COL5A3: variants seen among roughly 807,000 people sequenced by gnomAD.
The protein encoded by COL5A3 is collagen alpha-3(V) chain.
Under a neutral mutation model 250.0 loss-of-function variants are expected in COL5A3, and 172 were observed. The ratio of observed to expected loss-of-function variants is 0.69; its 90% confidence interval spans 0.61 to 0.78. The LOEUF (loss-of-function observed/expected upper bound fraction) is 0.78. COL5A3 is among the 30% of genes least tolerant of loss of function. COL5A3 has a pLI of 0.00. For missense variants in COL5A3, 2,340 were observed against 2,334.4 expected (o/e 1.00, Z -0.05); for synonymous variants, 937 against 900.4 (o/e 1.04, Z -0.73).
intron 65 of COL5A3, 103 bp from the exon 66 acceptor site, chr19:9,960,993 C>G (rs2277968): frequency 0.017 from 24,305 of 1,420,026 alleles, 284 homozygotes; most frequent in Non-Finnish European, 0.021. Flanking sequence ...AGCCACCCCC[C>G]CCATGTCACC....
In COL5A3 at chr19:9,986,770, A is replaced by T; in HGVS notation, c.2146-12T>A. On this transcript the variant is annotated splice_polypyrimidine_tract_variant and intron_variant, in intron 27 of 66. Transcript: ENST00000264828. ...TTGCCTGAAGTGCCCTGGAAAATAA[A>T]AAAAAAAAGCTCTCAAGCCTCTTCC... is the stretch of plus-strand genomic sequence containing the variant. 1.2e-6 allele frequency: 2 copies of T among 1,611,724 alleles called. No individual in the cohort carries two copies. Among genetic ancestry groups the T allele is most frequent in the Non-Finnish European group, 1.7e-6 (2 of 1,178,768 alleles).
At chr19:9,975,061 CTTTTTT>C (rs5827078) in intron 45 of COL5A3, among the ~76,000 whole-genome samples, 2 of 126,856 alleles carry the variant, frequency 1.6e-5, no homozygotes, top group African/African-American at 5.9e-5. Context: ...CTGTGCCTGG[CTTTTTT>C]TTTTTTTTTT....
chr19:9,963,439 G>A (rs1046600904), intron 64 of COL5A3, among the ~76,000 whole-genome samples: 1 of 151,474 alleles, frequency 6.6e-6, no homozygotes, highest in Non-Finnish European at 1.5e-5. Flanking sequence ...ACAGGGTCTT[G>A]GAGTGCAGTG....
intron 16 of COL5A3, among the ~76,000 whole-genome samples, chr19:9,994,715 C>T (rs142066062): frequency 1.1e-3 from 170 of 150,256 alleles, no homozygotes; most frequent in Non-Finnish European, 2.1e-3. Flanking sequence ...CTGGATGGTA[C>T]AACCTACCAA....
intron 4 of COL5A3, among the ~76,000 whole-genome samples, chr19:10,004,687 G>C (rs147092722): frequency 6.6e-6 from 1 of 152,178 alleles, no homozygotes; most frequent in Non-Finnish European, 1.5e-5. Context: ...GCTGGTACTG[G>C]GGATAAGGAG....
intron 51 of COL5A3, among the ~76,000 whole-genome samples, chr19:9,972,186 T>C (rs1268208071): frequency 6.6e-6 from 1 of 152,254 alleles, no homozygotes; most frequent in Admixed American, 6.5e-5. Flanking sequence ...CATTCATCCA[T>C]TCATTCACTC....
At position 9,986,304 on chromosome 19, in the gene COL5A3, G is replaced by C. The variant is rs760556711; in HGVS notation, c.2352+11C>G. Reference sequence around the variant, plus strand: ...TGACTGTGGGAGGCTAGAGGGTGGAGAGTCATTTACCTTCTCCCCAGCTGA... The same window carrying C: ...TGACTGTGGGAGGCTAGAGGGTGGACAGTCATTTACCTTCTCCCCAGCTGA... On this transcript the variant is annotated intron_variant, in intron 30 of 66. Coordinates refer to ENST00000264828, the MANE Select transcript of COL5A3 (RefSeq NM_015719.4). 2.4e-5 allele frequency: 36 copies of C among 1,511,604 alleles called. No homozygotes were observed. The highest frequency in any genetic ancestry group is 3.0e-5 in the Non-Finnish European group (34 of 1,126,410). 93.6% of individuals were successfully genotyped at this position (1,511,604 alleles called of 1,614,324 possible).
rs2087393694 is a variant in COL5A3, at chr19:10,003,570, T to C, written c.844A>G (p.Asn282Asp). 1.2e-6 allele frequency: 2 copies of C among 1,614,036 alleles called. No homozygotes were observed. Among genetic ancestry groups the C allele is most frequent in the African/African-American group, 1.3e-5 (1 of 74,920 alleles). ...TSSPPPDSAE[N>D]QTSTDIPKTE... ...AGAGGTCTCAGGGCCCTTACCTGGT[T>C]CTCTGCGGAGTCAGGAGGTGGACTT... The change falls in exon 6 of 67, where the codon AAC becomes GAC. Residue 282 changes from asparagine (N) to aspartate (D), a missense_variant. Asn to Asp is a conservative substitution (Grantham distance 23). Around this residue, in one of 3 missense-constraint regions of COL5A3, gnomAD observed 1,152 missense variants for 1,146.3 expected, o/e 1.00. Coordinates refer to ENST00000264828, the MANE Select transcript of COL5A3 (RefSeq NM_015719.4).
At position 9,979,901 on chromosome 19, in the gene COL5A3, T is replaced by C. The variant is rs895088726; in HGVS notation, c.2659-9A>G. The C allele has an allele frequency of 1.9e-6, 3 of 1,570,838 alleles. No homozygotes were observed. The highest frequency in any genetic ancestry group is 1.7e-6 in the Non-Finnish European group (2 of 1,165,686). On this transcript the variant is annotated splice_polypyrimidine_tract_variant and intron_variant, in intron 36 of 66. Transcript: ENST00000264828. Reference sequence around the variant, plus strand: ...TCTTTACCTTGGTGACCCTGGGGGATGAGGTGGGAAAAAGTTGGGGCACAG... The same window carrying C: ...TCTTTACCTTGGTGACCCTGGGGGACGAGGTGGGAAAAAGTTGGGGCACAG...
Position 9,960,239 on chromosome 19 carries a change from C to G in COL5A3, c.*172G>C. 1.2e-6 allele frequency: 1 copy of G among 809,066 alleles called. No individual in the cohort carries two copies. The highest frequency in any genetic ancestry group is 2.8e-5 in the Admixed American group (1 of 36,172). The allele number at this position is 809,066 out of a possible 1,614,324, so 50.1% of individuals were successfully genotyped here. On this transcript the variant is annotated 3_prime_UTR_variant, in exon 67 of 67. Transcript: ENST00000264828. ...AGGCTGGACCCTTGGGCCAGGGAAC[C>G]CCAGCCCCCAGCACCCTGGAAAGGA... is the stretch of plus-strand genomic sequence containing the variant.
At chr19:9,970,537 T>G (rs1599534224) in intron 54 of COL5A3, 85 bp downstream of exon 54, 20 of 805,852 alleles carry the variant, frequency 2.5e-5, no homozygotes, top group African/African-American at 1.2e-4. Context: ...GTGGGGTGAG[T>G]TGAGGGCTGT....
At chr19:9,982,187 T>A in intron 31 of COL5A3, 69 bp from the exon 32 acceptor site, 2 of 1,067,590 alleles carry the variant, frequency 1.9e-6, no homozygotes, top group Non-Finnish European at 2.7e-6. Flanking sequence ...TGGCCCCTCA[T>A]ACCATCCTTT....
intron 19 of COL5A3, 28 bp from the exon 20 acceptor site, chr19:9,993,095 C>T (rs780374735): frequency 1.2e-6 from 2 of 1,612,670 alleles, no homozygotes; most frequent in Non-Finnish European, 1.7e-6. Flanking sequence ...TACTTGGGAA[C>T]AGGAAGGTAC....
rs926097835 is a variant in COL5A3, at chr19:9,977,130, A to T, written c.3288+99T>A. The stretch of plus-strand genomic sequence containing the variant: ...GGTACCCGAGAAGGCAGAAAACTCC[A>T]TGGCCTCTCCTACCCCATGGAGAAT... On this transcript the variant is annotated intron_variant, in intron 44 of 66. Transcript: ENST00000264828. The T allele has an allele frequency of 5.8e-6, 7 of 1,210,416 alleles. No individual in the cohort carries two copies. In the African/African-American group the frequency reaches 7.5e-5, roughly 13 times the overall value. The allele number at this position is 1,210,416 out of a possible 1,614,324, so 75.0% of individuals were successfully genotyped here.
At chr19:9,970,195 T>TA (rs2145065497) in intron 54 of COL5A3, among the ~76,000 whole-genome samples, 1 of 4,576 alleles carries the variant, frequency 2.2e-4, no homozygotes, top group Admixed American at 2.0e-3. Flanking sequence ...GTGGGGTCTG[T>TA]GGGTGAGTGG....
chr19:9,973,944 C>T lies in COL5A3; in HGVS notation c.3533G>A (p.Gly1178Asp). The T allele has an allele frequency of 6.5e-7, 1 of 1,549,984 alleles. No homozygotes were observed. The highest frequency in any genetic ancestry group is 8.7e-7 in the Non-Finnish European group (1 of 1,147,692). ...CTCTGATCCAGTGGGGCCTTGGGGACCCCGAGGACCTGGAGCTCCATGGGG... is the reference window on the plus strand; with the variant it reads ...CTCTGATCCAGTGGGGCCTTGGGGATCCCGAGGACCTGGAGCTCCATGGGG... ...MGPHGAPGPR[G>D]PQGPTGSEGT... Residue 1178 changes from glycine to aspartate, a missense_variant, in exon 48 of 67, where the codon GGT becomes GAT. Physicochemically the swap from Gly to Asp is moderately conservative, Grantham distance 94. Coordinates refer to ENST00000264828, the MANE Select transcript of COL5A3 (RefSeq NM_015719.4).
intron 8 of COL5A3, among the ~76,000 whole-genome samples, chr19:9,998,418 T>G: frequency 6.6e-6 from 1 of 152,132 alleles, no homozygotes; most frequent in East Asian, 1.9e-4. Flanking sequence ...TCTTACTAAC[T>G]GAGTGATCTA....
chr19:9,986,301 G>A lies in COL5A3; in HGVS notation c.2352+14C>T, dbSNP rs1599552755. On this transcript the variant is annotated intron_variant, in intron 30 of 66. Transcript: ENST00000264828. ...CCTTGACTGTGGGAGGCTAGAGGGT[G>A]GAGAGTCATTTACCTTCTCCCCAGC... is the stretch of plus-strand genomic sequence containing the variant. 6.7e-7 allele frequency: 1 copy of A among 1,501,438 alleles called. No individual in the cohort carries two copies. Among genetic ancestry groups the A allele is most frequent in the Middle Eastern group, 2.0e-4 (1 of 4,924 alleles). 93.0% of individuals were successfully genotyped at this position (1,501,438 alleles called of 1,614,324 possible).
Position 9,996,668 on chromosome 19 carries a change from T to C in COL5A3, c.1285A>G (p.Ile429Val). The C allele has an allele frequency of 1.2e-6, 2 of 1,607,390 alleles. No homozygotes were observed. Among genetic ancestry groups the C allele is most frequent in the South Asian group, 1.1e-5 (1 of 89,966 alleles). The change falls in exon 12 of 67, where the codon ATC becomes GTC. Residue 429 changes from isoleucine (I) to valine (V), a missense_variant. By Grantham distance (29) the Ile-to-Val change is conservative. This residue lies in a region of COL5A3 where 1,152 missense variants were observed against 1,146.3 expected (regional missense o/e 1.00). Coordinates refer to ENST00000264828, the MANE Select transcript of COL5A3 (RefSeq NM_015719.4). The part of the protein sequence containing the change: ...GPPGPAGLPG[I>V]PGIDGIRGPP... The stretch of plus-strand genomic sequence containing the variant: ...CCTCGGATCCCATCAATGCCGGGGA[T>C]TCCTGGGAGGCCAGCAGGGCCCTGA...
Sources: gnomAD v4.1 joint callset for allele counts (sites outside exome capture counted in the v4.1 genomes callset) on GRCh38, gnomAD v4.1.1 for gene constraint, gnomAD v4.1.1 regional missense constraint, MANE v1.5 for transcripts, NCBI Gene and HGNC (gene_info 2026-07-23, HGNC 2026-07-21) for gene names.